The following ADAM32 variants were observed in gnomAD, a reference collection of about 807,000 sequenced individuals.
ADAM32 encodes ADAM metallopeptidase domain 32, also known as disintegrin and metalloproteinase domain-containing protein 32.
A neutral mutation model predicts 114.9 loss-of-function variants in ADAM32; 89 were observed. The ratio of observed to expected loss-of-function variants is 0.77; its 90% CI spans 0.65 to 0.92. The LOEUF (loss-of-function observed/expected upper bound fraction) is 0.92, where lower values mean the gene tolerates loss of function less well. Ranked by LOEUF, ADAM32 falls within the 40% of genes least tolerant of loss-of-function variation. ADAM32 has a pLI of 0.00. For synonymous variants in ADAM32, 285 were observed against 307.5 expected (o/e 0.93, Z 0.77); for missense variants, 870 against 932.8 (o/e 0.93, Z 0.88).
chr8:39,237,991 T>A (rs1810295272), intron 16 of ADAM32, among the ~76,000 whole-genome samples: 1 of 152,182 alleles, frequency 6.6e-6, no homozygotes, highest in Admixed American at 6.5e-5. Flanking sequence ...TTACAGCAGT[T>A]CATAACAGAA....
chr8:39,249,758 T>G (rs536266979), intron 17 of ADAM32, among the ~76,000 whole-genome samples: 1 of 152,318 alleles, frequency 6.6e-6, no homozygotes, highest in Admixed American at 6.5e-5. Flanking sequence ...GTGATTATCA[T>G]TCTCTCTGAA....
chr8:39,256,311 C>A (rs540747374), intron 18 of ADAM32, among the ~76,000 whole-genome samples: 1 of 152,086 alleles, frequency 6.6e-6, no homozygotes, highest in South Asian at 2.1e-4. Flanking sequence ...GATCCTGTGA[C>A]CTCAGCTCTA....
chr8:39,169,627 A>G (rs771062594), intron 9 of ADAM32: 1 of 223,898 alleles, frequency 4.5e-6, no homozygotes, highest in African/African-American at 2.3e-5. Context: ...AGAATATTGG[A>G]GCAAAGCCTT....
intron 10 of ADAM32, among the ~76,000 whole-genome samples, chr8:39,171,659 A>G (rs961560603): frequency 3.1e-4 from 47 of 152,206 alleles, no homozygotes; most frequent in African/African-American, 1.1e-3. Context: ...AATAATTTCC[A>G]TTTAAGTTCT....
chr8:39,264,070 T>C (rs1034114323), intron 19 of ADAM32, among the ~76,000 whole-genome samples: 1 of 152,198 alleles, frequency 6.6e-6, no homozygotes, highest in African/African-American at 2.4e-5. Context: ...TTCCTTAGCC[T>C]TTCCCTCCCA....
chr8:39,133,975 G>C (rs904194797), intron 2 of ADAM32, among the ~76,000 whole-genome samples: 1 of 152,186 alleles, frequency 6.6e-6, no homozygotes, highest in Non-Finnish European at 1.5e-5. Flanking sequence ...GTTCTGGGGA[G>C]TGCATGCTTC....
At chr8:39,181,250 G>A (rs1195758570) in intron 10 of ADAM32, among the ~76,000 whole-genome samples, 2 of 152,182 alleles carry the variant, frequency 1.3e-5, no homozygotes. Context: ...ACGAAGATCT[G>A]CAGCTTCTCT....
chr8:39,134,740 C>T (rs564985112), intron 2 of ADAM32, among the ~76,000 whole-genome samples: 53 of 152,268 alleles, frequency 3.5e-4, no homozygotes, highest in African/African-American at 1.3e-3. Context: ...CATGATAACT[C>T]CCATAGTGAA....
At chr8:39,234,137 TTTTA>T (rs1431769311) in intron 16 of ADAM32, 55 bp downstream of exon 16, 4 of 1,177,844 alleles carry the variant, frequency 3.4e-6, no homozygotes, top group African/African-American at 1.6e-5. Flanking sequence ...GTTTTCATCT[TTTTA>T]TTTAAGTATC....
At chr8:39,109,926 C>A (rs1438405741) in intron 1 of ADAM32, among the ~76,000 whole-genome samples, 2 of 152,176 alleles carry the variant, frequency 1.3e-5, no homozygotes, top group African/African-American at 4.8e-5. Flanking sequence ...AACAACTCAT[C>A]TCCTTAGTCT....
chr8:39,108,588 G>C (rs866971596), intron 1 of ADAM32, among the ~76,000 whole-genome samples: 54 of 152,174 alleles, frequency 3.5e-4, no homozygotes, highest in African/African-American at 7.2e-4. Flanking sequence ...TGTGGAGAGG[G>C]AGGAAGTAAG....
chr8:39,243,058 A>G (rs1468148148), intron 16 of ADAM32, among the ~76,000 whole-genome samples: 1 of 152,168 alleles, frequency 6.6e-6, no homozygotes, highest in Non-Finnish European at 1.5e-5. Flanking sequence ...TCCTGGAAAT[A>G]TACAACCCTC....
intron 18 of ADAM32, 125 bp from the exon 19 acceptor site, chr8:39,257,062 A>AT (rs1386937856): frequency 3.9e-6 from 4 of 1,028,810 alleles, no homozygotes; most frequent in Admixed American, 3.0e-5. Context: ...TTCTATAATG[A>AT]TTTTTTCCAT....
intron 3 of ADAM32, among the ~76,000 whole-genome samples, chr8:39,140,774 G>C (rs1803103558): frequency 2.0e-5 from 3 of 152,130 alleles, no homozygotes; most frequent in Admixed American, 1.3e-4. Context: ...CTGTGAATCT[G>C]TCTGGTCCTG....
chr8:39,170,599 G>A (rs921165680), intron 10 of ADAM32, among the ~76,000 whole-genome samples: 1 of 151,692 alleles, frequency 6.6e-6, no homozygotes, highest in South Asian at 2.1e-4. Context: ...AGTAATTTAT[G>A]TTAATGATGT....
At chr8:39,204,176 C>T (rs1398795519) in intron 11 of ADAM32, among the ~76,000 whole-genome samples, 1 of 152,160 alleles carries the variant, frequency 6.6e-6, no homozygotes, top group African/African-American at 2.4e-5. Context: ...TGAATGTTGG[C>T]CTGCCTTGCT....
chr8:39,252,485 A>G lies in ADAM32; in HGVS notation c.1903-1929A>G, dbSNP rs577619755. ...AGTGATAAATTCTTACATTAAAAAG[A>G]ATAAAGATTTCAAATAAACATTCTA... is the stretch of plus-strand genomic sequence containing the variant. On this transcript the variant is annotated intron_variant, in intron 17 of 24. Coordinates refer to ENST00000379907, the MANE Select transcript of ADAM32 (RefSeq NM_145004.7). Among the ~76,000 whole-genome samples the G allele has an allele frequency of 2.0e-5, 3 of 151,722 alleles. No individual in the cohort carries two copies. The South Asian group carries it at 6.2e-4, about 31-fold the overall frequency.
intron 1 of ADAM32, among the ~76,000 whole-genome samples, chr8:39,116,898 T>G (rs562185230): frequency 6.6e-6 from 1 of 152,110 alleles, no homozygotes; most frequent in Admixed American, 6.6e-5. Flanking sequence ...TACTTTTTTT[T>G]TTTGAGACAG....
intron 12 of ADAM32, among the ~76,000 whole-genome samples, chr8:39,212,395 G>A (rs1808287716): frequency 6.6e-6 from 1 of 152,086 alleles, no homozygotes; most frequent in South Asian, 2.1e-4. Context: ...TGTACGGGTT[G>A]ATGAGTTTCA....
Sources: gnomAD v4.1 joint callset for allele counts (sites outside exome capture counted in the v4.1 genomes callset) on GRCh38, gnomAD v4.1.1 for gene constraint, MANE v1.5 for transcripts, NCBI Gene and HGNC (gene_info 2026-07-23, HGNC 2026-07-21) for gene names.